The following UGT1A3 variants were observed in gnomAD, a reference collection of about 807,000 sequenced individuals.
UGT1A3 encodes the protein UDP-glucuronosyltransferase 1A3.
A neutral mutation model predicts 41.0 loss-of-function variants in UGT1A3; 31 were observed. That is an observed-to-expected ratio of 0.76 (90% CI 0.57 to 1.02). The LOEUF is 1.02. UGT1A3 is among the 50% of genes least tolerant of loss of function. The pLI is 0.00. For missense variants in UGT1A3, 737 were observed against 671.0 expected (o/e 1.10, Z -1.09); for synonymous variants, 262 against 257.6 (o/e 1.02, Z -0.17).
Position 233,769,629 on chromosome 2 carries a change from CAG to C in UGT1A3, c.1307+1191_1307+1192del, listed in dbSNP as rs1699910145. On this transcript the variant is annotated intron_variant, in intron 4 of 4. Transcript: ENST00000482026. The surrounding 1 kb of genome is among the most constrained non-coding windows in gnomAD (Gnocchi z 4.4). ...ACACACCAGCTTGAGCAAGGGACAA[CAG>C]GGGAGGACTGATGACTGACTTCCCA... 1.2e-6 allele frequency: 2 copies of C among 1,611,730 alleles called. No homozygotes were observed.
intron 1 of UGT1A3, among the ~76,000 whole-genome samples, chr2:233,742,122 G>T (rs1282494456): frequency 6.6e-6 from 1 of 151,802 alleles, no homozygotes; most frequent in African/African-American, 2.4e-5. Flanking sequence ...GCTTGGTCGT[G>T]GAGACCCTAA....
intron 1 of UGT1A3, among the ~76,000 whole-genome samples, chr2:233,757,427 A>G (rs934083320): frequency 5.3e-5 from 8 of 151,486 alleles, no homozygotes; most frequent in South Asian, 2.1e-4. Context: ...AAAGAGAAGA[A>G]AAGTCACTTC....
rs1344776353 is a variant in UGT1A3, at chr2:233,729,773, AC to A, written c.650del (p.Pro217LeufsTer46). 6.2e-7 allele frequency: 1 copy of A among 1,613,832 alleles called. No homozygotes were observed. The highest frequency in any genetic ancestry group is 1.3e-5 in the African/African-American group (1 of 75,000). On this transcript the variant is annotated frameshift_variant, in exon 1 of 5. Transcript: ENST00000482026. LOFTEE classifies it high-confidence loss of function. ...TFMQRVKNML[Y>X]PLALSYICHA... is the part of the protein sequence containing the mutation. Reference sequence around the variant, plus strand: ...ATGCAAAGGGTCAAGAACATGCTCTACCCTCTGGCCCTGTCCTACATTTGCC... The same window carrying A: ...ATGCAAAGGGTCAAGAACATGCTCTACCTCTGGCCCTGTCCTACATTTGCC...
intron 4 of UGT1A3, chr2:233,770,332 T>C (rs1040470973): frequency 6.6e-6 from 1 of 152,102 alleles, no homozygotes; most frequent in Non-Finnish European, 1.5e-5. Context: ...CAGGCCATAA[T>C]AGGTGCTCAA....
chr2:233,734,084 C>T (rs112644087), intron 1 of UGT1A3, among the ~76,000 whole-genome samples: 1 of 151,970 alleles, frequency 6.6e-6, no homozygotes. Flanking sequence ...TGTGCACATG[C>T]ACCCTAAAAC....
At chr2:233,767,550 T>C (rs2110298) in intron 2 of UGT1A3, among the ~76,000 whole-genome samples, 2,565 of 152,382 alleles carry the variant, frequency 0.017, 61 homozygotes, top group Admixed American at 0.057. Flanking sequence ...CTTATAGTTC[T>C]GCATCCACTT....
intron 1 of UGT1A3, chr2:233,743,882 C>A: frequency 2.9e-6 from 4 of 1,367,088 alleles, no homozygotes; most frequent in Non-Finnish European, 3.9e-6. Flanking sequence ...TGAGGCCTGC[C>A]GGGGCACGTC....
intron 1 of UGT1A3, chr2:233,755,039 G>A (rs1047792650): frequency 3.8e-6 from 5 of 1,321,018 alleles, no homozygotes; most frequent in Non-Finnish European, 5.1e-6. Flanking sequence ...TGCCGCCTGC[G>A]CAGCCGCCCT....
At chr2:233,747,948 G>T in intron 1 of UGT1A3, 1 of 1,613,450 alleles carries the variant, frequency 6.2e-7, no homozygotes, top group South Asian at 1.1e-5. Flanking sequence ...GGTGTCAGTG[G>T]TGGATCTTCT....
rs776227074 is a variant in UGT1A3, at chr2:233,767,898, C to T, written c.1049C>T (p.Thr350Met). 11 of 1,614,034 alleles carry T rather than the reference C, an allele frequency of 6.8e-6. No homozygotes were observed. Among genetic ancestry groups the T allele is most frequent in the East Asian group, 4.5e-5 (2 of 44,894 alleles). ...GTRPSNLANN[T>M]ILVKWLPQND... Reference sequence around the variant, plus strand: ...CGACCATCGAATCTTGCGAACAACACGATACTTGTTAAGTGGCTACCCCAA... The same window carrying T: ...CGACCATCGAATCTTGCGAACAACATGATACTTGTTAAGTGGCTACCCCAA... Residue 350 changes from threonine (T) to methionine (M), a missense_variant, in exon 3 of 5, where the codon ACG (threonine) becomes ATG (methionine). Transcript: ENST00000482026.
chr2:233,760,507 T>C (rs1199756469), intron 1 of UGT1A3: 2 of 1,614,154 alleles, frequency 1.2e-6, no homozygotes, highest in South Asian at 1.1e-5. Context: ...CGGAGCATTT[T>C]ACACCTTGAA....
chr2:233,747,538 C>A lies in UGT1A3; in HGVS notation c.867+17545C>A. The stretch of plus-strand genomic sequence containing the variant: ...TTTGAAACAGAACATTTTCTGAAGA[C>A]ATTTTCTAAAAGTATGGCAATTTTG... On this transcript the variant is annotated intron_variant, in intron 1 of 4. Transcript: ENST00000482026. The A allele has an allele frequency of 3.7e-6, 6 of 1,604,366 alleles. No individual in the cohort carries two copies. The East Asian group carries it at 8.9e-5, about 24-fold the overall frequency.
intron 1 of UGT1A3, among the ~76,000 whole-genome samples, chr2:233,732,068 C>T (rs1485941196): frequency 6.6e-6 from 1 of 152,198 alleles, no homozygotes; most frequent in Non-Finnish European, 1.5e-5. Flanking sequence ...TGTCTGTTGG[C>T]TGCATAAATG....
intron 1 of UGT1A3, among the ~76,000 whole-genome samples, chr2:233,756,797 C>T (rs954051942): frequency 2.0e-5 from 3 of 151,992 alleles, no homozygotes. Context: ...GGGCAATACA[C>T]TAGTAAAGGT....
In UGT1A3 at chr2:233,769,448, C is replaced by T. The variant is rs934555154; in HGVS notation, c.1307+1009C>T. The T allele has an allele frequency of 7.2e-5, 114 of 1,590,160 alleles. No individual in the cohort carries two copies. The East Asian group carries it at 1.2e-3, about 16-fold the overall frequency. ...GGCTGTGCTCATGTGTGGGTGCACA[C>T]GTGTGCATTCATATGCGTGTGTGTG... On this transcript the variant is annotated intron_variant, in intron 4 of 4. Coordinates refer to ENST00000482026, the MANE Select transcript of UGT1A3 (RefSeq NM_019093.4). The surrounding 1 kb of genome is among the most constrained non-coding windows in gnomAD (Gnocchi z 4.4).
Position 233,772,033 on chromosome 2 carries a change from A to C in UGT1A3, c.1308-229A>C, listed in dbSNP as rs33979061. Among the ~76,000 whole-genome samples, 33,182 of 152,170 alleles carry C rather than the reference A, an allele frequency of 0.22. 4,506 individuals carry two copies. Among genetic ancestry groups the C allele is most frequent in the South Asian group, 0.32 (1,549 of 4,822 alleles). On this transcript the variant is annotated intron_variant, in intron 4 of 4. Coordinates refer to ENST00000482026, the MANE Select transcript of UGT1A3 (RefSeq NM_019093.4). ...GAGGCTGAGGCAGGAGGATGGCTTG[A>C]GCCCAGGAGTTGGAGGCTGCAGTTA...
At chr2:233,765,135 A>G (rs1248346894) in intron 1 of UGT1A3, among the ~76,000 whole-genome samples, 1 of 152,126 alleles carries the variant, frequency 6.6e-6, no homozygotes, top group Non-Finnish European at 1.5e-5. Flanking sequence ...TTAGCACTGA[A>G]CATCACATGT....
intron 1 of UGT1A3, among the ~76,000 whole-genome samples, chr2:233,744,543 A>T (rs946291189): frequency 4.6e-5 from 7 of 152,050 alleles, no homozygotes; most frequent in East Asian, 1.9e-4. Flanking sequence ...TGTAAATTTT[A>T]TTAAGACAAA....
chr2:233,743,524 C>G (rs751668012), intron 1 of UGT1A3: 19 of 1,367,170 alleles, frequency 1.4e-5, no homozygotes, highest in Non-Finnish European at 1.8e-5. Flanking sequence ...GCTTCTGCTT[C>G]CCCAGCAGTT....
Sources: allele counts gnomAD v4.1 joint callset (sites outside exome capture counted in the v4.1 genomes callset), GRCh38; gene constraint gnomAD v4.1.1; non-coding constraint Gnocchi (gnomAD v3.1); transcripts MANE v1.5; gene names NCBI Gene and HGNC (gene_info 2026-07-23, HGNC 2026-07-21).